The following SNURF variants were observed in gnomAD, a reference collection of about 807,000 sequenced individuals.
The protein encoded by SNURF is SNURF protein.
SNURF carries 6 observed loss-of-function variants against 11.6 expected under a neutral mutation model. The observed-to-expected ratio is 0.52, with a 90% confidence interval of 0.28 to 1.02. The LOEUF (loss-of-function observed/expected upper bound fraction) is 1.02, where lower values mean the gene tolerates loss of function less well. SNURF is among the 50% of genes least tolerant of loss of function. SNURF has a pLI of 0.09. For missense variants in SNURF, 84 were observed against 88.4 expected, an observed-to-expected ratio of 0.95 and a Z score of 0.20; for synonymous variants, 29 against 31.6, an observed-to-expected ratio of 0.92 and a Z score of 0.27.
chr15:24,965,348 G>C (rs2075453104), intron 2 of SNURF, among the ~76,000 whole-genome samples: 1 of 152,034 alleles, frequency 6.6e-6, no homozygotes, highest in African/African-American at 2.4e-5. Context: ...GACCAGCCTG[G>C]CCAACATGGT....
At chr15:24,969,474 C>T (rs1022324405), downstream of SNURF, among the ~76,000 whole-genome samples, 1 of 152,270 alleles carries the variant, frequency 6.6e-6, no homozygotes, top group Non-Finnish European at 1.5e-5. Context: ...CTGAGAAATC[C>T]TCCTTTCTTG....
rs759079550 is a variant in SNURF at position 24,976,957 on chromosome 15, T to C, written c.*390T>C. On this transcript the variant is annotated 3_prime_UTR_variant and NMD_transcript_variant, in exon 6 of 7. Coordinates refer to the SNURF transcript ENST00000580062. The stretch of plus-strand genomic sequence containing the variant: ...GGGCAGCTGGTAGAGGAGTACCAGC[T>C]GGTGTGCCAATTCCCCAGGCCCCTG... 1.6e-5 allele frequency: 25 copies of C among 1,606,246 alleles called. No homozygotes were observed. The South Asian group carries it at 2.7e-4, about 17-fold the overall frequency.
chr15:24,965,318 A>C (rs536282823), intron 2 of SNURF, among the ~76,000 whole-genome samples: 2 of 152,204 alleles, frequency 1.3e-5, no homozygotes, highest in South Asian at 4.1e-4. Context: ...TGGGCAGATC[A>C]CCTGAGGTCA....
At chr15:24,962,698 A>G (rs181179585) in intron 2 of SNURF, among the ~76,000 whole-genome samples, 1 of 152,318 alleles carries the variant, frequency 6.6e-6, no homozygotes, top group Admixed American at 6.5e-5. Context: ...ATGTATACAC[A>G]GACACACTCA....
exon 3 of SNURF, chr15:24,968,177 TC>T: frequency 1.3e-6 from 1 of 773,418 alleles, no homozygotes; most frequent in South Asian, 1.5e-5. Flanking sequence ...TTAATTTTTT[TC>T]CTTAGAGCTT....
chr15:24,977,068 T>C, intron 6 of SNURF: 1 of 1,498,452 alleles, frequency 6.7e-7, no homozygotes, highest in Non-Finnish European at 8.9e-7. Context: ...ATTGGGAGAA[T>C]ATGACTAAGC....
intron 1 of SNURF, 29 bp downstream of exon 1, chr15:24,955,091 A>G (rs374665566): frequency 1.2e-6 from 2 of 1,613,472 alleles, no homozygotes; most frequent in Non-Finnish European, 1.7e-6. Flanking sequence ...TTCTCTCAAG[A>G]GACAGCCTGG....
intron 1 of SNURF, among the ~76,000 whole-genome samples, chr15:24,956,369 T>A (rs906468226): frequency 7.2e-6 from 1 of 139,828 alleles, no homozygotes; most frequent in Non-Finnish European, 1.5e-5. Flanking sequence ...GGGTGGCCGC[T>A]TCCTCCCTGT....
chr15:24,978,089 C>CT, downstream of SNURF: 1 of 1,294,942 alleles, frequency 7.7e-7, no homozygotes, highest in South Asian at 1.3e-5. Context: ...TTATTTGACT[C>CT]TATCATTGTT....
intron 1 of SNURF, among the ~76,000 whole-genome samples, chr15:24,956,715 G>A (rs144707247): frequency 6.6e-6 from 1 of 152,320 alleles, no homozygotes; most frequent in Admixed American, 6.5e-5. Flanking sequence ...GGAGGAGGGA[G>A]ATGGGTTGGC....
At chr15:24,964,520 C>T (rs775515359) in intron 2 of SNURF, among the ~76,000 whole-genome samples, 5 of 152,110 alleles carry the variant, frequency 3.3e-5, no homozygotes, top group Non-Finnish European at 7.3e-5. Context: ...GCTCGAACTC[C>T]CGACCTCAGA....
chr15:24,960,358 G>A lies in SNURF; in HGVS notation c.15-1756G>A, dbSNP rs1388420361. ...ATTTCAGTGGGGGTTTTTTCATTTT[G>A]AGGCAGGGTCTGGCTCTGTCACCCA... is the stretch of plus-strand genomic sequence containing the variant. On this transcript the variant is annotated intron_variant, in intron 1 of 2. Transcript: ENST00000577949. 2.0e-5 allele frequency among the ~76,000 whole-genome samples: 3 copies of A among 151,842 alleles called. No individual in the cohort carries two copies. In the South Asian group the frequency reaches 6.2e-4, roughly 32 times the overall value.
chr15:24,956,271 G>A (rs2153361231), intron 1 of SNURF, among the ~76,000 whole-genome samples: 1 of 151,420 alleles, frequency 6.6e-6, no homozygotes, highest in African/African-American at 2.4e-5. Flanking sequence ...ATAACCTGGG[G>A]GTCTGTGTTG....
intron 2 of SNURF, 123 bp from the exon 3 acceptor site, chr15:24,967,808 GA>G (rs35146696): frequency 0.29 from 138,577 of 483,994 alleles, 5,847 homozygotes; most frequent in East Asian, 0.36. Context: ...ACCCTGTCTG[GA>G]AAAAAAAAAA....
intron 1 of SNURF, among the ~76,000 whole-genome samples, chr15:24,961,599 G>A (rs946514944): frequency 6.6e-6 from 1 of 152,112 alleles, no homozygotes; most frequent in African/African-American, 2.4e-5. Context: ...AGCTTGAGCA[G>A]CTCTTCTATT....
downstream of SNURF, chr15:24,977,876 C>T: frequency 6.2e-7 from 1 of 1,602,998 alleles, no homozygotes; most frequent in Non-Finnish European, 8.5e-7. Context: ...CAGGACGGGG[C>T]ACTCCGCCCC....
intron 2 of SNURF, among the ~76,000 whole-genome samples, 192 bp from the exon 3 acceptor site, chr15:24,967,740 A>G (rs1239439902): frequency 1.4e-5 from 2 of 146,400 alleles, no homozygotes; most frequent in African/African-American, 5.1e-5. Context: ...CCCCGAAGGC[A>G]GTGTTTGTGG....
downstream of SNURF, among the ~76,000 whole-genome samples, chr15:24,973,799 A>T (rs994259286): frequency 2.6e-5 from 4 of 152,138 alleles, no homozygotes; most frequent in African/African-American, 9.7e-5. Flanking sequence ...TTCTCTTTTG[A>T]CATGGGAAGT....
At chr15:24,977,698 C>A in intron 6 of SNURF, 4 of 1,331,014 alleles carry the variant, frequency 3.0e-6, no homozygotes, top group South Asian at 3.2e-5. Flanking sequence ...ACTAATTGGT[C>A]ATTTTTCTCA....
Sources: allele counts gnomAD v4.1 joint callset (sites outside exome capture counted in the v4.1 genomes callset), GRCh38; gene constraint gnomAD v4.1.1; transcripts MANE v1.5; gene names NCBI Gene and HGNC (gene_info 2026-07-23, HGNC 2026-07-21).